Variants in TSPAN7 observed in about 807,000 individuals in gnomAD.
TSPAN7 encodes tetraspanin-7.
TSPAN7 carries 1 observed loss-of-function variant against 17.6 expected under a neutral mutation model. That is an observed-to-expected ratio of 0.06 (90% CI 0.02 to 0.27). The LOEUF (loss-of-function observed/expected upper bound fraction) is 0.27. Ranked by LOEUF, TSPAN7 falls within the 10% of genes least tolerant of loss-of-function variation. TSPAN7 has a pLI of 1.00. For missense variants in TSPAN7, 112 were observed against 201.7 expected, an observed-to-expected ratio of 0.56 and a Z score of 2.69; for synonymous variants, 78 against 79.0, an observed-to-expected ratio of 0.99 and a Z score of 0.07.
At chrX:38,659,823 C>CTTTTTTTTTTTTTTTTTTTTT (rs748922281) in intron 1 of TSPAN7, among the ~76,000 whole-genome samples, 2 of 61,605 alleles carry the variant, frequency 3.2e-5, no homozygotes, top group Non-Finnish European at 5.8e-5. Context: ...TTTTCTTTTT[C>CTTTTTTTTTTTTTTTTTTTTT]TTTTTTTTTT....
rs781271099 is a variant in TSPAN7 at position 38,596,691 on chromosome X, G to A, written c.81+35064G>A. ...TCACCTCAGACCTTCTGAACCAGAA[G>A]TTACATTATTCACAAGTTCCCAGGG... is the stretch of plus-strand genomic sequence containing the variant. On this transcript the variant is annotated intron_variant, in intron 1 of 7. Transcript: ENST00000378482. 1.2e-3 allele frequency among the ~76,000 whole-genome samples: 132 copies of A among 111,103 alleles called. 1 individual carries two copies. The highest frequency in any genetic ancestry group is 1.9e-3 in the Non-Finnish European group (99 of 52,920).
At chrX:38,686,975 C>T (rs756826080) in intron 6 of TSPAN7, among the ~76,000 whole-genome samples, 27 of 111,088 alleles carry the variant, frequency 2.4e-4, no homozygotes, top group African/African-American at 4.9e-4. Context: ...TCTACATGGC[C>T]GAGAGACAGA....
chrX:38,576,187 GA>G (rs2069193185), intron 1 of TSPAN7, among the ~76,000 whole-genome samples: 2 of 111,856 alleles, frequency 1.8e-5, no homozygotes, highest in African/African-American at 6.5e-5. Context: ...ACAATTTGCT[GA>G]TTCCTGTTCT....
intron 1 of TSPAN7, among the ~76,000 whole-genome samples, chrX:38,582,223 C>T (rs147675760): frequency 0.013 from 1,466 of 112,630 alleles, 9 homozygotes; most frequent in Non-Finnish European, 0.019. Context: ...AGAAATTCCT[C>T]CCAGGCTGTT....
intron 1 of TSPAN7, among the ~76,000 whole-genome samples, chrX:38,650,063 A>G (rs1055421595): frequency 2.7e-5 from 3 of 112,051 alleles, no homozygotes; most frequent in African/African-American, 9.7e-5. Context: ...AGGCTTTTGG[A>G]CAGAGAGAGC....
intron 1 of TSPAN7, among the ~76,000 whole-genome samples, chrX:38,561,997 C>G (rs1011717065): frequency 5.3e-5 from 6 of 112,956 alleles, no homozygotes; most frequent in African/African-American, 1.9e-4. Context: ...ACCTTTCTCT[C>G]CCTTCCCCTA....
intron 1 of TSPAN7, among the ~76,000 whole-genome samples, chrX:38,626,476 G>A (rs1276191203): frequency 1.8e-5 from 2 of 111,696 alleles, no homozygotes; most frequent in Non-Finnish European, 3.8e-5. Flanking sequence ...ATGACTATTC[G>A]GGAGTGAAAG....
intron 1 of TSPAN7, among the ~76,000 whole-genome samples, chrX:38,636,403 C>G (rs770911708): frequency 1.6e-4 from 18 of 112,430 alleles, no homozygotes; most frequent in African/African-American, 5.8e-4. Flanking sequence ...TGTCCCTGTT[C>G]AAAATCAAAT....
intron 1 of TSPAN7, chrX:38,646,299 T>C: frequency 8.7e-7 from 1 of 1,154,616 alleles, no homozygotes; most frequent in Middle Eastern, 2.3e-4. Context: ...AGACAGGATG[T>C]GGCTATGGCT....
chrX:38,634,429 C>T (rs2069568101), intron 1 of TSPAN7, among the ~76,000 whole-genome samples: 1 of 112,506 alleles, frequency 8.9e-6, no homozygotes, highest in South Asian at 3.7e-4. Context: ...TGTTAGAGAT[C>T]TGTCCTGCAG....
At chrX:38,623,658 C>T (rs192984220) in intron 1 of TSPAN7, among the ~76,000 whole-genome samples, 1 of 106,585 alleles carries the variant, frequency 9.4e-6, no homozygotes, top group East Asian at 3.1e-4. Context: ...AAGAACTTCA[C>T]TCACTTTTGC....
intron 1 of TSPAN7, among the ~76,000 whole-genome samples, chrX:38,637,840 GA>G (rs1157667758): frequency 8.9e-6 from 1 of 111,939 alleles, no homozygotes; most frequent in Admixed American, 9.4e-5. Flanking sequence ...TTGAATAAGT[GA>G]AAAAATATTT....
rs768557265 is a variant in TSPAN7, at chrX:38,577,652, G to A, written c.81+16025G>A. Among the ~76,000 whole-genome samples the A allele has an allele frequency of 1.1e-3, 90 of 85,710 alleles. 1 individual carries two copies. The highest frequency in any genetic ancestry group is 3.2e-3 in the Admixed American group (25 of 7,761). 74.4% of individuals were successfully genotyped at this position (85,710 alleles called of 115,157 possible). On this transcript the variant is annotated intron_variant, in intron 1 of 7. Transcript: ENST00000378482. Reference sequence around the variant, plus strand: ...CATAGGAAGGGGAACATCACACACCGGGGCCTGTTGTGGGGTGGGGGGAGG... The same window carrying A: ...CATAGGAAGGGGAACATCACACACCAGGGCCTGTTGTGGGGTGGGGGGAGG...
chrX:38,610,895 T>C (rs947194213), intron 1 of TSPAN7, among the ~76,000 whole-genome samples: 1 of 112,419 alleles, frequency 8.9e-6, no homozygotes, highest in African/African-American at 3.2e-5. Flanking sequence ...TAGCCAGCTG[T>C]TTCACTTTAT....
intron 1 of TSPAN7, among the ~76,000 whole-genome samples, chrX:38,582,079 G>C (rs933682986): frequency 8.9e-6 from 1 of 112,388 alleles, no homozygotes; most frequent in Admixed American, 9.4e-5. Flanking sequence ...CCTGCTTTCA[G>C]AAAATAATTT....
At chrX:38,586,068 G>A (rs1435002967) in intron 1 of TSPAN7, among the ~76,000 whole-genome samples, 1 of 112,647 alleles carries the variant, frequency 8.9e-6, no homozygotes, top group African/African-American at 3.2e-5. Flanking sequence ...GACTGATCTT[G>A]TTTCTTTGCT....
chrX:38,688,008 A>C lies in TSPAN7; in HGVS notation c.*77A>C. The C allele has an allele frequency of 5.5e-6, 1 of 182,091 alleles. No individual in the cohort carries two copies. The highest frequency in any genetic ancestry group is 1.5e-4 in the South Asian group (1 of 6,593). 15.0% of individuals were successfully genotyped at this position (182,091 alleles called of 1,213,427 possible). A position where few individuals can be genotyped will look rare whatever the true frequency, so the allele number is the denominator to read the frequency against. On this transcript the variant is annotated 3_prime_UTR_variant, in exon 8 of 8. Coordinates refer to ENST00000378482, the MANE Select transcript of TSPAN7 (RefSeq NM_004615.4). ...TGCAGCAATCTTTGAAAGACTTCCAAAGAATGTTAGAGCACAGTACATAAT... is the reference window on the plus strand; with the variant it reads ...TGCAGCAATCTTTGAAAGACTTCCACAGAATGTTAGAGCACAGTACATAAT...
intron 1 of TSPAN7, among the ~76,000 whole-genome samples, chrX:38,658,187 T>G (rs892676353): frequency 1.8e-5 from 2 of 111,026 alleles, no homozygotes; most frequent in African/African-American, 6.6e-5. Context: ...TTCCCATAAG[T>G]CTTTTTTTAA....
At chrX:38,578,685 T>C (rs1317144043) in intron 1 of TSPAN7, among the ~76,000 whole-genome samples, 1 of 110,869 alleles carries the variant, frequency 9.0e-6, no homozygotes, top group Non-Finnish European at 1.9e-5. Flanking sequence ...GGAAATTCAG[T>C]CTTTTAAACT....
Sources: allele counts gnomAD v4.1 joint callset (sites outside exome capture counted in the v4.1 genomes callset), GRCh38; gene constraint gnomAD v4.1.1; transcripts MANE v1.5; gene names NCBI Gene and HGNC (gene_info 2026-07-23, HGNC 2026-07-21).